MUC4: variants seen among roughly 807,000 people sequenced by gnomAD.
MUC4 encodes the protein mucin 4, cell surface associated.
A neutral mutation model predicts 257.9 loss-of-function variants in MUC4; 202 were observed. The observed-to-expected ratio is 0.78, with a 90% confidence interval of 0.70 to 0.88. The LOEUF is 0.88. MUC4 is among the 40% of genes least tolerant of loss of function. The pLI is 0.00. For synonymous variants in MUC4, 2,351 were observed against 2,757.1 expected (o/e 0.85, Z 4.62); for missense variants, 5,976 against 6,513.7 (o/e 0.92, Z 2.84).
At chr3:195,768,701 G>A (rs1031150901) in intron 7 of MUC4, among the ~76,000 whole-genome samples, 1 of 152,246 alleles carries the variant, frequency 6.6e-6, no homozygotes, top group African/African-American at 2.4e-5. Context: ...AGTGTCATCA[G>A]TCTTGGCTGT....
chr3:195,769,210 CTT>C, intron 6 of MUC4, 58 bp from the exon 7 acceptor site: 1 of 1,596,420 alleles, frequency 6.3e-7, no homozygotes. Flanking sequence ...GGTCTCCTCT[CTT>C]ATGTCCCCCC....
chr3:195,762,992 C>G (rs1468463092), intron 12 of MUC4, 47 bp from the exon 13 acceptor site: 2 of 1,433,624 alleles, frequency 1.4e-6, no homozygotes, highest in East Asian at 2.5e-5. Context: ...CAGGTGGAGC[C>G]GACGCCCAGG....
At chr3:195,770,847 C>A (rs571311867) in intron 5 of MUC4, 13 of 458,632 alleles carry the variant, frequency 2.8e-5, no homozygotes, top group South Asian at 2.0e-4. Context: ...ACAGGACGGG[C>A]CCTCTTGACT....
intron 7 of MUC4, among the ~76,000 whole-genome samples, chr3:195,767,772 C>CCACCACCAT (rs1721562657): frequency 8.9e-6 from 1 of 112,964 alleles, no homozygotes; most frequent in African/African-American, 4.8e-5. Context: ...ACCACCACCA[C>CCACCACCAT]CACCATCACC....
rs1730240972 is a variant in MUC4, at chr3:195,784,410, A to T, written c.7170T>A (p.Ala2390=). 5 of 1,477,730 alleles carry T rather than the reference A, an allele frequency of 3.4e-6. No individual in the cohort carries two copies. Among genetic ancestry groups the T allele is most frequent in the South Asian group, 2.5e-5 (2 of 78,464 alleles). 91.5% of individuals were successfully genotyped at this position (1,477,730 alleles called of 1,614,324 possible). A position where few individuals can be genotyped will look rare whatever the true frequency, so the allele number is the denominator to read the frequency against. Residue 2390 remains alanine, a synonymous_variant, in exon 2 of 25, where the codon GCT becomes GCA. Transcript: ENST00000463781. The part of the protein sequence containing the change: ...GHTTPLPVTD[A]SSASTGDTTP... ...TGGTGTCACCTGTGGATGCTGAGGA[A>T]GCGTCGGTGACAGGAAGAGGGGTGG...
chr3:195,809,994 A>C (rs1736490669), intron 1 of MUC4: 1 of 152,424 alleles, frequency 6.6e-6, no homozygotes. Flanking sequence ...TCTGGGAGTC[A>C]TGATTCCCGT....
chr3:195,761,399 G>C, intron 15 of MUC4, 85 bp downstream of exon 15: 1 of 1,199,920 alleles, frequency 8.3e-7, no homozygotes. Flanking sequence ...ATGGAGGTCT[G>C]CTTCCTACAG....
rs1342763981 is a variant in MUC4 at position 195,757,107 on chromosome 3, C to A, written c.15168+40G>T. The A allele has an allele frequency of 6.4e-6, 10 of 1,565,298 alleles. No homozygotes were observed. The highest frequency in any genetic ancestry group is 1.3e-5 in the African/African-American group (1 of 74,134). On this transcript the variant is annotated intron_variant, in intron 18 of 24. Transcript: ENST00000463781. The surrounding 1 kb of genome is among the most constrained non-coding windows in gnomAD (Gnocchi z 4.8). ...TCCATTCCACTCCCATTTCCTCTCC[C>A]CTCGGCACAGAAACTCCTCCCCCAC... is the stretch of plus-strand genomic sequence containing the variant.
Position 195,763,602 on chromosome 3 carries a change from C to G in MUC4, c.14084G>C (p.Gly4695Ala). ...FGDPHITTLD[G>A]VSYTFNGLGD... The stretch of plus-strand genomic sequence containing the variant: ...CAGCCCATTGAAGGTGTAACTGACA[C>G]CATCCAAGGTGGTGATGTGGGGGTC... Residue 4695 changes from glycine (G) to alanine (A), a missense_variant, in exon 12 of 25, where the codon GGT (glycine) becomes GCT (alanine). By Grantham distance (60) the Gly-to-Ala change is moderately conservative. Around this residue, in one of 44 missense-constraint regions of MUC4, gnomAD observed 996 missense variants for 1,137.3 expected, o/e 0.88. Coordinates refer to ENST00000463781, the MANE Select transcript of MUC4 (RefSeq NM_018406.7). 6.3e-7 allele frequency: 1 copy of G among 1,581,938 alleles called. No individual in the cohort carries two copies.
chr3:195,807,007 C>A (rs1736068428), intron 1 of MUC4, among the ~76,000 whole-genome samples: 1 of 152,188 alleles, frequency 6.6e-6, no homozygotes. Context: ...CGATGTCTGT[C>A]CTCTGTGGTC....
rs1727425995 is a variant in MUC4 at position 195,780,974 on chromosome 3, GC to G, written c.10605del (p.Pro3536LeufsTer723). 6.7e-7 allele frequency: 1 copy of G among 1,502,344 alleles called. No individual in the cohort carries two copies. The highest frequency in any genetic ancestry group is 1.6e-5 in the African/African-American group (1 of 63,694). 93.1% of individuals were successfully genotyped at this position (1,502,344 alleles called of 1,614,324 possible). A position where few individuals can be genotyped will look rare whatever the true frequency, so the allele number is the denominator to read the frequency against. ...DTSSVSTGHA[T>X]PLPVTSLSSV... ...GAGGAAAGGCTGGTGACAGGAAGAG[GC>G]GTGGCGTGACCGGTGGATACTGAGG... On this transcript the variant is annotated frameshift_variant, in exon 2 of 25. Transcript: ENST00000463781. LOFTEE classifies it high-confidence loss of function.
At chr3:195,770,900 C>G in intron 5 of MUC4, 1 of 457,442 alleles carries the variant, frequency 2.2e-6, no homozygotes, top group Non-Finnish European at 4.4e-6. Flanking sequence ...ATTTTACAAT[C>G]AAAGGCTGAA....
rs759777575 is a variant in MUC4 at position 195,769,165 on chromosome 3, G to C, written c.13399-13C>G. ...GGTAGGTGTTGCTCTGGGGGTGGGT[G>C]GAAGAAAACACAGGGATGCCCGTGA... On this transcript the variant is annotated splice_polypyrimidine_tract_variant and intron_variant, in intron 6 of 24. Coordinates refer to ENST00000463781, the MANE Select transcript of MUC4 (RefSeq NM_018406.7). 6.2e-7 allele frequency: 1 copy of C among 1,613,752 alleles called. No homozygotes were observed. Among genetic ancestry groups the C allele is most frequent in the South Asian group, 1.1e-5 (1 of 91,016 alleles).
chr3:195,789,181 G>T lies in MUC4; in HGVS notation c.2399C>A (p.Ala800Glu). ...PASSGSRTTS[A>E]GTATPSSSGA... is the part of the protein sequence containing the mutation. ...GGATGAGGAAGGGGTAGCTGTGCCC[G>T]CTGAGGTGGTTCGTGACCCTGAGGA... The change falls in exon 2 of 25, where the codon GCG becomes GAG. Residue 800 changes from alanine (A) to glutamate (E), a missense_variant. Physicochemically the swap from Ala to Glu is moderately radical, Grantham distance 107 (BLOSUM62 -1). Transcript: ENST00000463781. 3.7e-6 allele frequency: 6 copies of T among 1,613,816 alleles called. No homozygotes were observed. In the South Asian group the frequency reaches 5.5e-5, roughly 15 times the overall value.
chr3:195,761,572 G>A lies in MUC4; in HGVS notation c.14526C>T (p.Asn4842=). Residue 4842 remains asparagine (N), a synonymous_variant, in exon 15 of 25, where the codon AAC becomes AAT. Coordinates refer to ENST00000463781, the MANE Select transcript of MUC4 (RefSeq NM_018406.7). ...RTEGLLGVWN[N]NPEDDFRMPN... ...GCATCCTGAAGTCGTCCTCTGGATT[G>A]TTATTCCAGACCCCTGAGGGACAGA... 6.2e-7 allele frequency: 1 copy of A among 1,613,676 alleles called. No individual in the cohort carries two copies. Among genetic ancestry groups the A allele is most frequent in the Non-Finnish European group, 8.5e-7 (1 of 1,179,564 alleles).
At position 195,788,911 on chromosome 3, in the gene MUC4, C is replaced by G; in HGVS notation, c.2669G>C (p.Ser890Thr). 1 of 1,613,530 alleles carries G rather than the reference C, an allele frequency of 6.2e-7. No homozygotes were observed. The highest frequency in any genetic ancestry group is 8.5e-7 in the Non-Finnish European group (1 of 1,179,742). The change falls in exon 2 of 25, where the codon AGC becomes ACC. Residue 890 changes from serine (S) to threonine (T), a missense_variant. Physicochemically the swap from Ser to Thr is moderately conservative, Grantham distance 58. Coordinates refer to ENST00000463781, the MANE Select transcript of MUC4 (RefSeq NM_018406.7). ...STAGRPTGQSSPTSPSASPQE... is the reference protein window; with the variant it reads ...STAGRPTGQSTPTSPSASPQE... ...AGGAGAGGCACTGGGAGAAGTTGGG[C>G]TTGACTGTCCTGTCGGTCTCCCTGC...
intron 3 of MUC4, among the ~76,000 whole-genome samples, chr3:195,775,444 A>C (rs1724244571): frequency 8.6e-6 from 1 of 116,674 alleles, no homozygotes; most frequent in African/African-American, 3.0e-5. Flanking sequence ...CCACACCCAT[A>C]CCTTCCACAC....
At chr3:195,804,897 G>A (rs1427722075) in intron 1 of MUC4, among the ~76,000 whole-genome samples, 6 of 152,218 alleles carry the variant, frequency 3.9e-5, no homozygotes, top group African/African-American at 1.4e-4. Flanking sequence ...ACTAACTCAA[G>A]ATACCCTTGG....
Position 195,762,963 on chromosome 3 carries a change from G to A in MUC4, c.14254-18C>T, listed in dbSNP as rs763156152. ...CATTGGACCTGGAAGGAGATGGGAG[G>A]GGGCCTGAGCCCGACCCGCAGGTGG... On this transcript the variant is annotated intron_variant, in intron 12 of 24. Transcript: ENST00000463781. 5.2e-6 allele frequency: 8 copies of A among 1,536,380 alleles called. No individual in the cohort carries two copies. The South Asian group carries it at 9.6e-5, about 18-fold the overall frequency.
Sources: allele counts gnomAD v4.1 joint callset (sites outside exome capture counted in the v4.1 genomes callset), GRCh38; gene constraint gnomAD v4.1.1; regional missense constraint gnomAD v4.1.1; non-coding constraint Gnocchi (gnomAD v3.1); transcripts MANE v1.5; gene names NCBI Gene and HGNC (gene_info 2026-07-23, HGNC 2026-07-21).